Variants in SYNE1 observed in about 807,000 individuals in gnomAD.
The protein encoded by SYNE1 is nesprin-1.
A neutral mutation model predicts 1,111.0 loss-of-function variants in SYNE1; 616 were observed. That is an observed-to-expected ratio of 0.55 (90% CI 0.52 to 0.59). SYNE1 has a LOEUF of 0.59. Among genes scored for constraint, SYNE1 ranks in the 20% least tolerant of loss-of-function variants. The pLI is 0.00. For missense variants in SYNE1, 10,006 were observed against 10,417.0 expected, an observed-to-expected ratio of 0.96 and a Z score of 1.72; for synonymous variants, 3,855 against 3,825.8, an observed-to-expected ratio of 1.01 and a Z score of -0.28.
chr6:152,520,641 A>G (rs958465310), intron 5 of SYNE1, 99 bp from the exon 6 acceptor site: 3 of 1,373,072 alleles, frequency 2.2e-6, no homozygotes, highest in Non-Finnish European at 3.1e-6. Flanking sequence ...TACTTGAAGA[A>G]TATTCAAAAG....
At chr6:152,238,597 C>T (rs531324489) in intron 108 of SYNE1, among the ~76,000 whole-genome samples, 1 of 152,188 alleles carries the variant, frequency 6.6e-6, no homozygotes, top group African/African-American at 2.4e-5. Context: ...AGAAAAAATG[C>T]AAATACGACC....
At chr6:152,290,039 C>G (rs2094525179) in intron 95 of SYNE1, among the ~76,000 whole-genome samples, 1 of 151,396 alleles carries the variant, frequency 6.6e-6, no homozygotes, top group Non-Finnish European at 1.5e-5. Context: ...TGAGAGACCA[C>G]AGTTCTTCTC....
Position 152,254,905 on chromosome 6 carries a change from CT to C in SYNE1, c.19444del (p.Arg6482AspfsTer6), listed in dbSNP as rs2153619687. 1 of 1,613,802 alleles carries C rather than the reference CT, an allele frequency of 6.2e-7. No individual in the cohort carries two copies. The highest frequency in any genetic ancestry group is 8.5e-7 in the Non-Finnish European group (1 of 1,179,876). On this transcript the variant is annotated frameshift_variant, in exon 104 of 146. Coordinates refer to ENST00000367255, the MANE Select transcript of SYNE1 (RefSeq NM_182961.4). LOFTEE classifies it high-confidence loss of function. ...VNQRCHQMKERLQQILNFQND... is the reference protein window; with the variant it reads ...VNQRCHQMKEXLQQILNFQND... ...CTGGAAATTTAGTATTTGCTGAAGTCTTTCTTTCATCTGATGACATCGTTGA... is the reference window on the plus strand; with the variant it reads ...CTGGAAATTTAGTATTTGCTGAAGTCTTCTTTCATCTGATGACATCGTTGA...
At position 152,455,499 on chromosome 6, in the gene SYNE1, T is replaced by C. The variant is rs751584601; in HGVS notation, c.2819A>G (p.Glu940Gly). The C allele has an allele frequency of 2.5e-6, 4 of 1,614,172 alleles. No homozygotes were observed. Among genetic ancestry groups the C allele is most frequent in the Non-Finnish European group, 2.5e-6 (3 of 1,180,020 alleles). Residue 940 changes from glutamate (E) to glycine (G), a missense_variant, in exon 24 of 146, where the codon GAG (glutamate) becomes GGG (glycine). By Grantham distance (98) the Glu-to-Gly change is moderately conservative. Transcript: ENST00000367255. ...CTCCTGAGCAATCCGCAGTACCTTC[T>C]CCAACTCTGCTCGAGACTCCTCAAA... Reference protein sequence around the residue: ...KKFEESRAELEKVLRIAQEGL... With the variant: ...KKFEESRAELGKVLRIAQEGL...
rs1238003087 is a variant in SYNE1, at chr6:152,224,664, C to T, written c.21352G>A (p.Val7118Ile). ...GQTWANLDHM[V>I]GQLKILLKSV... ...TTCAGCAGTATCTTTAATTGTCCAA[C>T]CTTTTGAAAAAGACAAATATGGCTT... Residue 7118 changes from valine to isoleucine, a missense_variant and splice_region_variant, in exon 117 of 146, where the codon GTT becomes ATT. By Grantham distance (29) the Val-to-Ile change is conservative. Coordinates refer to ENST00000367255, the MANE Select transcript of SYNE1 (RefSeq NM_182961.4). 6.2e-7 allele frequency: 1 copy of T among 1,613,342 alleles called. No individual in the cohort carries two copies. The highest frequency in any genetic ancestry group is 1.1e-5 in the South Asian group (1 of 91,058).
chr6:152,608,762 C>G (rs1583359156), intron 3 of SYNE1, among the ~76,000 whole-genome samples: 1 of 152,068 alleles, frequency 6.6e-6, no homozygotes, highest in Admixed American at 6.6e-5. Context: ...GGTCAAACCT[C>G]ATCTCTACTA....
chr6:152,439,286 G>A (rs2098505406), intron 32 of SYNE1, among the ~76,000 whole-genome samples: 1 of 152,042 alleles, frequency 6.6e-6, no homozygotes, highest in African/African-American at 2.4e-5. Context: ...AATCATAGGG[G>A]GTCAGAAACT....
chr6:152,242,189 A>C, intron 107 of SYNE1, 51 bp downstream of exon 107: 2 of 1,449,476 alleles, frequency 1.4e-6, no homozygotes, highest in Non-Finnish European at 1.9e-6. Flanking sequence ...AGGGTTTGAG[A>C]GCATGCTTTC....
chr6:152,592,718 A>G (rs188512328), intron 3 of SYNE1, among the ~76,000 whole-genome samples: 3 of 152,320 alleles, frequency 2.0e-5, no homozygotes, highest in African/African-American at 7.2e-5. Flanking sequence ...TAAAAGTATA[A>G]AAGAAAATCA....
chr6:152,178,304 C>T (rs1239824323), intron 129 of SYNE1, among the ~76,000 whole-genome samples: 1 of 152,078 alleles, frequency 6.6e-6, no homozygotes, highest in Non-Finnish European at 1.5e-5. Context: ...GCAAATTTTA[C>T]TCTACTACCT....
intron 106 of SYNE1, among the ~76,000 whole-genome samples, chr6:152,242,977 T>C (rs1041179029): frequency 6.6e-6 from 1 of 152,128 alleles, no homozygotes; most frequent in African/African-American, 2.4e-5. Context: ...ATTTAATAAG[T>C]TAAAATATGA....
Position 152,231,804 on chromosome 6 carries a change from A to G in SYNE1, c.20863-237T>C, listed in dbSNP as rs1106578. On this transcript the variant is annotated intron_variant, in intron 113 of 145. Transcript: ENST00000367255. ...TGTGTATGTGTGTGTGTGTGTGTGT[A>G]TATATATATTTAGGTAGAAGATTTA... Among the ~76,000 whole-genome samples, 17,763 of 116,852 alleles carry G rather than the reference A, an allele frequency of 0.15. 1,630 individuals carry two copies. The highest frequency in any genetic ancestry group is 0.33 in the African/African-American group (10,703 of 32,662). The allele number at this position is 116,852 out of a possible 152,430, so 76.7% of individuals were successfully genotyped here.
intron 137 of SYNE1, chr6:152,144,481 A>AGTGTGTGT (rs58614483): frequency 8.9e-6 from 1 of 112,196 alleles, no homozygotes; most frequent in East Asian, 2.4e-4. Flanking sequence ...AATTACTGAG[A>AGTGTGTGT]GTGTGTGTGT....
intron 5 of SYNE1, among the ~76,000 whole-genome samples, chr6:152,520,894 A>G (rs190822854): frequency 6.6e-6 from 1 of 152,246 alleles, no homozygotes; most frequent in East Asian, 1.9e-4. Flanking sequence ...TTATTAGTTA[A>G]TTATTTTTAA....
At chr6:152,293,373 C>G (rs1302497457) in intron 95 of SYNE1, among the ~76,000 whole-genome samples, 2 of 152,154 alleles carry the variant, frequency 1.3e-5, no homozygotes, top group African/African-American at 4.8e-5. Context: ...GCATGTCTCT[C>G]TCTCTCTCCC....
chr6:152,215,855 G>T (rs2078510528), intron 121 of SYNE1, among the ~76,000 whole-genome samples: 1 of 152,192 alleles, frequency 6.6e-6, no homozygotes, highest in Non-Finnish European at 1.5e-5. Flanking sequence ...GAACCTCCTT[G>T]GGTTCTTGCT....
At position 152,444,463 on chromosome 6, in the gene SYNE1, A is replaced by T; in HGVS notation, c.3785T>A (p.Ile1262Asn). ...TTCAAACAGATTTTCAGTATCCAAG[A>T]TCTTCTCAGCTTGTTCCTGGACTTC... ...SKEVQEQAEK[I>N]LDTENLFEAQ... The change falls in exon 30 of 146, where the codon ATC becomes AAC. Residue 1262 changes from isoleucine (I) to asparagine (N), a missense_variant. Around this residue, in one of 7 missense-constraint regions of SYNE1, gnomAD observed 1,971 missense variants for 2,084.1 expected, o/e 0.95. Coordinates refer to ENST00000367255, the MANE Select transcript of SYNE1 (RefSeq NM_182961.4). The T allele has an allele frequency of 1.9e-6, 3 of 1,613,980 alleles. No homozygotes were observed. Among genetic ancestry groups the T allele is most frequent in the African/African-American group, 1.3e-5 (1 of 75,022 alleles).
At chr6:152,177,122 A>C (rs1245107656) in intron 129 of SYNE1, among the ~76,000 whole-genome samples, 1 of 152,220 alleles carries the variant, frequency 6.6e-6, no homozygotes, top group African/African-American at 2.4e-5. Context: ...TGCAGTAAAT[A>C]AATCAATGAT....
chr6:152,629,990 A>G (rs2099695145), intron 2 of SYNE1, among the ~76,000 whole-genome samples: 1 of 152,200 alleles, frequency 6.6e-6, no homozygotes, highest in Non-Finnish European at 1.5e-5. Context: ...GACTTTGCTC[A>G]TGAAGGATTG....
Sources: gnomAD v4.1 joint callset for allele counts (sites outside exome capture counted in the v4.1 genomes callset) on GRCh38, gnomAD v4.1.1 for gene constraint, gnomAD v4.1.1 regional missense constraint, MANE v1.5 for transcripts, NCBI Gene and HGNC (gene_info 2026-07-23, HGNC 2026-07-21) for gene names.